The following IFNAR2 variants were observed in gnomAD, a reference collection of about 807,000 sequenced individuals.
IFNAR2 encodes the protein interferon alpha/beta receptor 2.
Under a neutral mutation model 49.4 loss-of-function variants are expected in IFNAR2, and 30 were observed. That is an observed-to-expected ratio of 0.61 (90% CI 0.45 to 0.82). The LOEUF (loss-of-function observed/expected upper bound fraction) is 0.82, where lower values mean the gene tolerates loss of function less well. IFNAR2 is among the 40% of genes least tolerant of loss of function. The pLI is 0.00. For synonymous variants in IFNAR2, 224 were observed against 234.5 expected (o/e 0.96, Z 0.41); for missense variants, 600 against 622.7 (o/e 0.96, Z 0.39).
At chr21:33,252,582 G>T in intron 6 of IFNAR2, 80 bp from the exon 7 acceptor site, 2 of 1,515,046 alleles carry the variant, frequency 1.3e-6, no homozygotes, top group Non-Finnish European at 8.8e-7. Flanking sequence ...TTTGAGATTT[G>T]AAGACAAATC....
In IFNAR2 at chr21:33,246,770, T is replaced by C. The variant is rs756124323; in HGVS notation, c.274T>C (p.Phe92Leu). ...VKNCANTTRS[F>L]CDLTDEWRST... ...GAACTGTGCAAATACCACAAGATCATTTTGTGACCTCACAGATGAGTGGAG... is the reference window on the plus strand; with the variant it reads ...GAACTGTGCAAATACCACAAGATCACTTTGTGACCTCACAGATGAGTGGAG... The change falls in exon 5 of 9, where the codon TTT (phenylalanine) becomes CTT (leucine). Residue 92 changes from phenylalanine to leucine, a missense_variant. By Grantham distance (22) the Phe-to-Leu change is conservative. Transcript: ENST00000342136. 2.5e-6 allele frequency: 4 copies of C among 1,613,832 alleles called. No homozygotes were observed. Among genetic ancestry groups the C allele is most frequent in the Non-Finnish European group, 3.4e-6 (4 of 1,179,690 alleles).
At chr21:33,236,683 C>T in intron 1 of IFNAR2, 1 of 985,302 alleles carries the variant, frequency 1.0e-6, no homozygotes, top group Non-Finnish European at 1.2e-6. Context: ...GCCTGGGATT[C>T]CTCTGCTGGG....
chr21:33,245,127 T>C, intron 4 of IFNAR2, 53 bp downstream of exon 4: 1 of 1,299,906 alleles, frequency 7.7e-7, no homozygotes, highest in South Asian at 1.2e-5. Flanking sequence ...TTCTGTTATA[T>C]GGGGAGAGGT....
chr21:33,246,611 A>G lies in IFNAR2; in HGVS notation c.222-107A>G, dbSNP rs1420743404. On this transcript the variant is annotated intron_variant, in intron 4 of 8. Transcript: ENST00000342136. ...TTGGGGAAGATCACTTAATACAATG[A>G]TATTTGGGCAGAGCCCTAAAGGAAA... 8 of 756,004 alleles carry G rather than the reference A, an allele frequency of 1.1e-5. No homozygotes were observed. The Admixed American group carries it at 2.3e-4, about 21-fold the overall frequency. 46.8% of individuals were successfully genotyped at this position (756,004 alleles called of 1,614,324 possible). A position where few individuals can be genotyped will look rare whatever the true frequency, so the allele number is the denominator to read the frequency against.
At chr21:33,262,238 G>A (rs1290088721) in intron 8 of IFNAR2, among the ~76,000 whole-genome samples, 3 of 151,704 alleles carry the variant, frequency 2.0e-5, no homozygotes, top group South Asian at 2.1e-4. Context: ...AGTGGCGGGC[G>A]CCTGTAATCC....
At chr21:33,238,189 C>A (rs1245172115) in intron 1 of IFNAR2, among the ~76,000 whole-genome samples, 1 of 152,202 alleles carries the variant, frequency 6.6e-6, no homozygotes, top group East Asian at 1.9e-4. Context: ...GCTTAAATTG[C>A]ATTTTATAAA....
At chr21:33,255,637 T>C (rs1044189657) in intron 7 of IFNAR2, among the ~76,000 whole-genome samples, 2 of 152,218 alleles carry the variant, frequency 1.3e-5, no homozygotes, top group Admixed American at 6.5e-5. Context: ...GTTCATGAAT[T>C]TGGGGACTCC....
chr21:33,248,920 C>CT (rs1431590935), intron 6 of IFNAR2, 66 bp downstream of exon 6: 3 of 1,163,710 alleles, frequency 2.6e-6, no homozygotes, highest in Non-Finnish European at 3.6e-6. Flanking sequence ...TTGACTGTCT[C>CT]TTTTGAAAGG....
rs779940804 is a variant in IFNAR2, at chr21:33,241,890, A to G, written c.-33A>G. 14 of 1,608,224 alleles carry G rather than the reference A, an allele frequency of 8.7e-6. No homozygotes were observed. Among genetic ancestry groups the G allele is most frequent in the African/African-American group, 2.7e-5 (2 of 74,792 alleles). On this transcript the variant is annotated 5_prime_UTR_variant, in exon 2 of 9. An upstream open reading frame in the 5' UTR loses its in-frame stop. Coordinates refer to ENST00000342136, the MANE Select transcript of IFNAR2 (RefSeq NM_001289125.3). ...ATCACCTAATGTTGATTTCAGATGT[A>G]AAAGTCAAGAGAAGACTCTAAAAAT...
chr21:33,230,329 C>A lies in IFNAR2; in HGVS notation c.-84+113C>A. On this transcript the variant is annotated intron_variant, in intron 1 of 8. Coordinates refer to ENST00000342136, the MANE Select transcript of IFNAR2 (RefSeq NM_001289125.3). This position sits in a 1 kb window ranked among gnomAD's most constrained non-coding sequence, Gnocchi z 5.5. ...ATCCCCTCCGGTTCCCTCTCGCTCT[C>A]CCCGACTCCTCCTCCTCCTCCTGCC... 1 of 888,652 alleles carries A rather than the reference C, an allele frequency of 1.1e-6. No individual in the cohort carries two copies. The highest frequency in any genetic ancestry group is 1.8e-5 in the South Asian group (1 of 54,960). 55.0% of individuals were successfully genotyped at this position (888,652 alleles called of 1,614,324 possible). A position where few individuals can be genotyped will look rare whatever the true frequency, so the allele number is the denominator to read the frequency against.
chr21:33,263,464 A>G lies in IFNAR2; in HGVS notation c.1512A>G (p.Ser504=). Residue 504 remains serine, a synonymous_variant, in exon 9 of 9, where the codon TCA becomes TCG. Transcript: ENST00000342136. ...APSDQSDTSE[S]DVDLGDGYIM... is the part of the protein sequence containing the mutation. ...CTGATCAAAGTGACACTTCTGAGTC[A>G]GATGTTGACCTTGGGGATGGTTATA... The G allele has an allele frequency of 1.2e-6, 2 of 1,613,300 alleles. No individual in the cohort carries two copies. The highest frequency in any genetic ancestry group is 1.7e-6 in the Non-Finnish European group (2 of 1,179,586).
chr21:33,252,085 T>C (rs779233229), intron 6 of IFNAR2: 14 of 184,554 alleles, frequency 7.6e-5, no homozygotes, highest in South Asian at 1.5e-4. Context: ...CCCATCCATC[T>C]ATCTATCTAT....
chr21:33,252,951 AACACCTC>A, intron 7 of IFNAR2, 121 bp downstream of exon 7: 1 of 816,120 alleles, frequency 1.2e-6, no homozygotes, highest in Non-Finnish European at 2.1e-6. Context: ...TCTTCCAGTA[AACACCTC>A]ACAGAGATGT....
chr21:33,256,795 T>G (rs1988235448), intron 7 of IFNAR2, among the ~76,000 whole-genome samples: 1 of 152,188 alleles, frequency 6.6e-6, no homozygotes, highest in Non-Finnish European at 1.5e-5. Flanking sequence ...CTTGTGGAGC[T>G]TACATTGCAG....
chr21:33,260,620 G>C lies in IFNAR2; in HGVS notation c.733G>C (p.Gly245Arg), dbSNP rs138402252. Reference sequence around the variant, plus strand: ...AGAATCAGCAGAATCTGCCAAAATAGGAGGAATAATTACTGTGTTTTTGAT... The same window carrying C: ...AGAATCAGCAGAATCTGCCAAAATACGAGGAATAATTACTGTGTTTTTGAT... ...ESESAESAKI[G>R]GIITVFLIAL... Residue 245 changes from glycine (G) to arginine (R), a missense_variant, in exon 8 of 9, where the codon GGA (glycine) becomes CGA (arginine). By Grantham distance (125) the Gly-to-Arg change is moderately radical. Coordinates refer to ENST00000342136, the MANE Select transcript of IFNAR2 (RefSeq NM_001289125.3). The C allele has an allele frequency of 4.2e-4, 664 of 1,584,368 alleles. 2 individuals are homozygous for C. The highest frequency in any genetic ancestry group is 1.5e-3 in the Middle Eastern group (9 of 6,018).
At chr21:33,247,903 G>A (rs567522130) in intron 5 of IFNAR2, among the ~76,000 whole-genome samples, 4 of 152,330 alleles carry the variant, frequency 2.6e-5, no homozygotes, top group South Asian at 4.1e-4. Context: ...ATTCGGATAC[G>A]ACATTTGCTG....
intron 1 of IFNAR2, chr21:33,236,843 T>TA: frequency 1.0e-6 from 1 of 984,876 alleles, no homozygotes. Context: ...CTGCAGGGCC[T>TA]GGGGGTACTG....
chr21:33,235,786 T>C (rs917154342), intron 1 of IFNAR2, among the ~76,000 whole-genome samples: 1 of 151,628 alleles, frequency 6.6e-6, no homozygotes, highest in African/African-American at 2.4e-5. Context: ...ATTAGCTGGG[T>C]GTGGTGGCGG....
At position 33,262,953 on chromosome 21, in the gene IFNAR2, G is replaced by A; in HGVS notation, c.1001G>A (p.Gly334Asp). The A allele has an allele frequency of 1.2e-6, 2 of 1,614,206 alleles. No individual in the cohort carries two copies. Among genetic ancestry groups the A allele is most frequent in the South Asian group, 1.1e-5 (1 of 91,088 alleles). ...ACTGAGGCAGCGCCCAGGACAAGTG[G>A]CGGTGGCTATACCATGCATGGACTG... The part of the protein sequence containing the change: ...SDTEAAPRTS[G>D]GGYTMHGLTV... Residue 334 changes from glycine to aspartate, a missense_variant, in exon 9 of 9, where the codon GGC becomes GAC. Gly to Asp is a moderately conservative substitution (Grantham distance 94). Transcript: ENST00000342136.
Sources: gnomAD v4.1 joint callset for allele counts (sites outside exome capture counted in the v4.1 genomes callset) on GRCh38, gnomAD v4.1.1 for gene constraint, Gnocchi (gnomAD v3.1) non-coding constraint, MANE v1.5 for transcripts, NCBI Gene and HGNC (gene_info 2026-07-23, HGNC 2026-07-21) for gene names.